The following SGCG variants were observed in gnomAD, a reference collection of about 807,000 sequenced individuals.
The protein encoded by SGCG is gamma-sarcoglycan.
SGCG carries 26 observed loss-of-function variants against 29.3 expected under a neutral mutation model. The ratio of observed to expected loss-of-function variants is 0.89; its 90% CI spans 0.65 to 1.23. SGCG has a LOEUF of 1.23. Ranked by LOEUF, SGCG falls within the 50% of genes most tolerant of loss-of-function variation. SGCG has a pLI of 0.00. For synonymous variants in SGCG, 145 were observed against 129.7 expected (o/e 1.12, Z -0.80); for missense variants, 353 against 356.0 (o/e 0.99, Z 0.07).
intron 5 of SGCG, among the ~76,000 whole-genome samples, chr13:23,287,953 C>G (rs1881560164): frequency 6.6e-6 from 1 of 152,102 alleles, no homozygotes; most frequent in South Asian, 2.1e-4. Context: ...TGGGGTTTCA[C>G]CATGTTAGCC....
At chr13:23,187,661 G>T (rs534391759) in intron 1 of SGCG, among the ~76,000 whole-genome samples, 1 of 152,256 alleles carries the variant, frequency 6.6e-6, no homozygotes, top group East Asian at 1.9e-4. Context: ...GGGACTCTGG[G>T]TCCCTCGCAC....
At chr13:23,173,671 T>C in the SGCG span, among the ~76,000 whole-genome samples, 39 of 152,342 alleles carry the variant, frequency 2.6e-4, no homozygotes, top group Non-Finnish European at 4.9e-4. Flanking sequence ...TAAAGAAATT[T>C]AGGAACATTC....
rs1394874643 is a variant in SGCG, at chr13:23,204,595, CT to C, written c.195+710del. Among the ~76,000 whole-genome samples the C allele has an allele frequency of 3.5e-3, 460 of 131,496 alleles. 2 individuals carry two copies. The highest frequency in any genetic ancestry group is 0.011 in the African/African-American group (434 of 38,070). 86.3% of individuals were successfully genotyped at this position (131,496 alleles called of 152,430 possible). A position where few individuals can be genotyped will look rare whatever the true frequency, so the allele number is the denominator to read the frequency against. The stretch of plus-strand genomic sequence containing the variant: ...TATGCACAGGCTCTTTCTTTTCTTT[CT>C]TTTCTTTCTTTTCTTTCTTTTCTTT... On this transcript the variant is annotated intron_variant, in intron 2 of 7. Transcript: ENST00000218867.
At chr13:23,254,055 A>G (rs1880084527) in intron 4 of SGCG, among the ~76,000 whole-genome samples, 1 of 152,222 alleles carries the variant, frequency 6.6e-6, no homozygotes, top group Non-Finnish European at 1.5e-5. Context: ...ATAGCAGTGT[A>G]AGAATCGAGT....
chr13:23,304,010 T>A (rs1882273319), intron 6 of SGCG, among the ~76,000 whole-genome samples: 1 of 152,194 alleles, frequency 6.6e-6, no homozygotes, highest in Non-Finnish European at 1.5e-5. Flanking sequence ...ATGAGTGAGG[T>A]GGAGCAACTT....
At chr13:23,184,402 A>G (rs1876885836) in intron 1 of SGCG, among the ~76,000 whole-genome samples, 1 of 151,774 alleles carries the variant, frequency 6.6e-6, no homozygotes, top group Non-Finnish European at 1.5e-5. Flanking sequence ...GGGCAGTGAT[A>G]GTTGATTTGC....
At chr13:23,323,936 C>A (rs1014629990) in intron 7 of SGCG, among the ~76,000 whole-genome samples, 3 of 152,074 alleles carry the variant, frequency 2.0e-5, no homozygotes, top group Non-Finnish European at 4.4e-5. Context: ...TACATAAAGT[C>A]AAAGTGAGTC....
At chr13:23,270,627 GT>G (rs1331750650) in intron 4 of SGCG, among the ~76,000 whole-genome samples, 1 of 152,052 alleles carries the variant, frequency 6.6e-6, no homozygotes, top group Non-Finnish European at 1.5e-5. Context: ...CAATTTTTAA[GT>G]TGTCGTCTAA....
chr13:23,232,761 G>A (rs538794653), intron 2 of SGCG, among the ~76,000 whole-genome samples: 1 of 152,222 alleles, frequency 6.6e-6, no homozygotes, highest in African/African-American at 2.4e-5. Context: ...CAGCCTGGGC[G>A]ACAGTACAAG....
rs191243676 is a variant in SGCG at position 23,261,246 on chromosome 13, A to T, written c.385+10529A>T. On this transcript the variant is annotated intron_variant, in intron 4 of 7. Coordinates refer to ENST00000218867, the MANE Select transcript of SGCG (RefSeq NM_000231.3). ...TTGTTCATTTCTTTTTATTCTGAAA[A>T]ATTTTTTTTTTAATTTCAGTTATGA... Among the ~76,000 whole-genome samples, 988 of 150,008 alleles carry T rather than the reference A, an allele frequency of 6.6e-3. 9 individuals are homozygous for T. The highest frequency in any genetic ancestry group is 0.022 in the African/African-American group (900 of 41,306).
chr13:23,233,346 A>AT (rs1257425542), intron 2 of SGCG, among the ~76,000 whole-genome samples: 1 of 152,244 alleles, frequency 6.6e-6, no homozygotes, highest in Non-Finnish European at 1.5e-5. Context: ...TTCCACTTAC[A>AT]TAAGGTACTT....
intron 3 of SGCG, among the ~76,000 whole-genome samples, chr13:23,239,084 A>G (rs1879412821): frequency 6.6e-6 from 1 of 152,144 alleles, no homozygotes; most frequent in Admixed American, 6.5e-5. Flanking sequence ...TTTTCCAAGC[A>G]TGATAAAATC....
chr13:23,172,755 C>T, the SGCG span, among the ~76,000 whole-genome samples: 1 of 152,186 alleles, frequency 6.6e-6, no homozygotes, highest in African/African-American at 2.4e-5. Flanking sequence ...AACTTAGTAT[C>T]AAGTGATGGA....
upstream of SGCG, among the ~76,000 whole-genome samples, chr13:23,178,985 T>C (rs1020052939): frequency 1.3e-5 from 2 of 152,168 alleles, no homozygotes; most frequent in African/African-American, 4.8e-5. Context: ...CATAGGTTCG[T>C]AGGACCATGG....
At chr13:23,218,240 T>C (rs1244162953) in intron 2 of SGCG, among the ~76,000 whole-genome samples, 10 of 152,210 alleles carry the variant, frequency 6.6e-5, no homozygotes, top group African/African-American at 2.4e-4. Context: ...TCATTATACA[T>C]CTATATTTTG....
chr13:23,318,056 C>T (rs527970475), intron 6 of SGCG, among the ~76,000 whole-genome samples: 4 of 152,166 alleles, frequency 2.6e-5, no homozygotes, highest in Non-Finnish European at 4.4e-5. Context: ...TTCCTGCCCT[C>T]GAACATTGGA....
At chr13:23,233,451 T>G (rs960777314) in intron 2 of SGCG, among the ~76,000 whole-genome samples, 4 of 152,200 alleles carry the variant, frequency 2.6e-5, no homozygotes, top group African/African-American at 9.7e-5. Context: ...TGTGTACAAT[T>G]ACAATGTCTC....
chr13:23,213,473 C>T (rs1878310509), intron 2 of SGCG, among the ~76,000 whole-genome samples: 1 of 152,070 alleles, frequency 6.6e-6, no homozygotes, highest in African/African-American at 2.4e-5. Flanking sequence ...CAGAGTGAGA[C>T]TCCGTTTCAA....
chr13:23,175,865 A>T, the SGCG span, among the ~76,000 whole-genome samples: 3 of 152,262 alleles, frequency 2.0e-5, no homozygotes, highest in African/African-American at 7.2e-5. Context: ...TGTGATTCCT[A>T]TTGATAAATA....
Sources: allele counts gnomAD v4.1 joint callset (sites outside exome capture counted in the v4.1 genomes callset), GRCh38; gene constraint gnomAD v4.1.1; transcripts MANE v1.5; gene names NCBI Gene and HGNC (gene_info 2026-07-23, HGNC 2026-07-21).